The following TMPRSS2 variants were observed in gnomAD, a reference collection of about 807,000 sequenced individuals.
The protein encoded by TMPRSS2 is transmembrane serine protease 2.
Under a neutral mutation model 67.4 loss-of-function variants are expected in TMPRSS2, and 59 were observed. The observed-to-expected ratio is 0.88, with a 90% confidence interval of 0.71 to 1.09. TMPRSS2 has a LOEUF of 1.09. TMPRSS2 is among the 50% of genes least tolerant of loss of function. The pLI, the probability that TMPRSS2 is intolerant of heterozygous loss-of-function variation, is 0.00. For missense variants in TMPRSS2, 668 were observed against 642.7 expected (o/e 1.04, Z -0.43); for synonymous variants, 257 against 257.0 (o/e 1.00, Z 0.00).
rs17854725 is a variant in TMPRSS2 at position 41,473,456 on chromosome 21, A to G, written c.768T>C (p.Ile256=). Residue 256 remains isoleucine, a synonymous_variant, in exon 9 of 14, where the codon ATT becomes ATC. Transcript: ENST00000332149. ...VNLNSSRQSR[I]VGGESALPGA... is the part of the protein sequence containing the mutation. The stretch of plus-strand genomic sequence containing the variant: ...CCGGGAGCGCGCTCTCGCCGCCCAC[A>G]ATCCTGCTCTGGCGGCTTGAGTTCA... 0.52 allele frequency: 840,222 copies of G among 1,608,806 alleles called. 225,554 individuals carry two copies. Among genetic ancestry groups the G allele is most frequent in the Non-Finnish European group, 0.56 (654,555 of 1,178,342 alleles).
intron 8 of TMPRSS2, among the ~76,000 whole-genome samples, chr21:41,476,251 C>T (rs367879274): frequency 2.0e-5 from 3 of 152,308 alleles, no homozygotes; most frequent in African/African-American, 7.2e-5. Flanking sequence ...CCAGGGCTCA[C>T]TAACGCCACC....
At chr21:41,485,081 C>CGTGTGTGTGTGT (rs10668560) in intron 5 of TMPRSS2, among the ~76,000 whole-genome samples, 14 of 140,254 alleles carry the variant, frequency 1.0e-4, no homozygotes, top group African/African-American at 3.0e-4. Context: ...GGGAGTGATG[C>CGTGTGTGTGTGT]GTGTGTGTGT....
intron 2 of TMPRSS2, chr21:41,494,856 G>C: frequency 4.6e-6 from 2 of 432,640 alleles, no homozygotes; most frequent in Non-Finnish European, 8.5e-6. Flanking sequence ...GGATCATGAG[G>C]TCAGGAGATC....
chr21:41,479,484 A>G (rs2091240550), intron 6 of TMPRSS2, among the ~76,000 whole-genome samples: 1 of 152,192 alleles, frequency 6.6e-6, no homozygotes, highest in South Asian at 2.1e-4. Flanking sequence ...GTCAGACAAA[A>G]TTCCTTCATT....
rs185078457 is a variant in TMPRSS2, at chr21:41,464,686, C to G, written c.*1456G>C. 2 of 233,176 alleles carry G rather than the reference C, an allele frequency of 8.6e-6. No individual in the cohort carries two copies. Among genetic ancestry groups the G allele is most frequent in the Admixed American group, 5.6e-5 (1 of 17,784 alleles). 14.4% of individuals were successfully genotyped at this position (233,176 alleles called of 1,614,324 possible). A position where few individuals can be genotyped will look rare whatever the true frequency, so the allele number is the denominator to read the frequency against. ...AAGAAGGGGCAATAAAGAAGGAAGA[C>G]GTTTTCACCATTACAACACCTTTTA... On this transcript the variant is annotated 3_prime_UTR_variant, in exon 14 of 14. Coordinates refer to ENST00000332149, the MANE Select transcript of TMPRSS2 (RefSeq NM_005656.4).
rs1003169126 is a variant in TMPRSS2, at chr21:41,465,927, C to T, written c.*215G>A. 3.2e-6 allele frequency: 2 copies of T among 615,392 alleles called. No homozygotes were observed. Among genetic ancestry groups the T allele is most frequent in the South Asian group, 2.1e-5 (1 of 46,894 alleles). 38.1% of individuals were successfully genotyped at this position (615,392 alleles called of 1,614,324 possible). ...AGTGCCCACAACCAGCCGGCCATCACCCCTTGCGGACAAGGGGTTAGGGAG... is the reference window on the plus strand; with the variant it reads ...AGTGCCCACAACCAGCCGGCCATCATCCCTTGCGGACAAGGGGTTAGGGAG... On this transcript the variant is annotated 3_prime_UTR_variant, in exon 14 of 14. Coordinates refer to ENST00000332149, the MANE Select transcript of TMPRSS2 (RefSeq NM_005656.4).
At chr21:41,503,209 G>A (rs2091435710) in intron 1 of TMPRSS2, among the ~76,000 whole-genome samples, 1 of 152,198 alleles carries the variant, frequency 6.6e-6, no homozygotes, top group African/African-American at 2.4e-5. Flanking sequence ...GACAACACCA[G>A]CAGCCCAAGT....
At position 41,467,933 on chromosome 21, in the gene TMPRSS2, C is replaced by A. The variant is rs1328604458; in HGVS notation, c.1315-47G>T. Reference sequence around the variant, plus strand: ...AGAGAGCAGAAAATCAAGTCACAATCTGCCGCACACCACTGACCAGGCCTA... The same window carrying A: ...AGAGAGCAGAAAATCAAGTCACAATATGCCGCACACCACTGACCAGGCCTA... On this transcript the variant is annotated intron_variant, in intron 12 of 13. Transcript: ENST00000332149. 9.9e-6 allele frequency: 16 copies of A among 1,610,664 alleles called. No individual in the cohort carries two copies. The African/African-American group carries it at 2.1e-4, about 22-fold the overall frequency.
intron 5 of TMPRSS2, among the ~76,000 whole-genome samples, chr21:41,485,652 G>GAAAAAAAAAAAAAAA (rs35871560): frequency 7.6e-6 from 1 of 131,126 alleles, no homozygotes. Context: ...CTGTCTCCAG[G>GAAAAAAAAAAAAAAA]AAAAAAAAAA....
rs1336436288 is a variant in TMPRSS2 at position 41,488,428 on chromosome 21, T to C, written c.411A>G (p.Ser137=). ...INPSNWCDGV[S]HCPGGEDENR... is the part of the protein sequence containing the mutation. Reference sequence around the variant, plus strand: ...TCTCGTCCTCCCCGCCGGGGCAGTGTGACACGCCATCACACCAGTTAGAGG... The same window carrying C: ...TCTCGTCCTCCCCGCCGGGGCAGTGCGACACGCCATCACACCAGTTAGAGG... The change falls in exon 5 of 14, where the codon TCA becomes TCG. Residue 137 remains serine, a synonymous_variant. Coordinates refer to ENST00000332149, the MANE Select transcript of TMPRSS2 (RefSeq NM_005656.4). 6 of 1,613,592 alleles carry C rather than the reference T, an allele frequency of 3.7e-6. No individual in the cohort carries two copies. Among genetic ancestry groups the C allele is most frequent in the Non-Finnish European group, 5.1e-6 (6 of 1,179,784 alleles).
At chr21:41,505,322 G>A (rs2091450301) in intron 1 of TMPRSS2, among the ~76,000 whole-genome samples, 1 of 152,188 alleles carries the variant, frequency 6.6e-6, no homozygotes, top group African/African-American at 2.4e-5. Context: ...ATATTATTAC[G>A]AAGATCCCCT....
At chr21:41,489,372 G>T in intron 4 of TMPRSS2, 135 bp downstream of exon 4, 1 of 633,790 alleles carries the variant, frequency 1.6e-6, no homozygotes, top group East Asian at 2.7e-5. Flanking sequence ...GAAGGGAAGA[G>T]AGACAGCCTC....
intron 5 of TMPRSS2, among the ~76,000 whole-genome samples, chr21:41,482,779 A>T (rs952430410): frequency 1.7e-4 from 26 of 152,236 alleles, no homozygotes; most frequent in African/African-American, 6.3e-4. Flanking sequence ...CTATCAAGCC[A>T]TGAAAAGGCA....
chr21:41,487,182 A>G, intron 5 of TMPRSS2: 1 of 152,280 alleles, frequency 6.6e-6, no homozygotes, highest in Admixed American at 6.5e-5. Context: ...TGTGGTGTAT[A>G]TGCACAAGGC....
In TMPRSS2 at chr21:41,470,709, G is replaced by C; in HGVS notation, c.1110C>G (p.Gly370=). ...AGAGCTGTTCTGGCTGCAGCATCAT[G>C]CCTGGGTTGGGCAGACACACTGGTT... ...LVKPVCLPNP[G]MMLQPEQLCW... The change falls in exon 11 of 14, where the codon GGC becomes GGG. Residue 370 remains glycine (G), a synonymous_variant. Coordinates refer to ENST00000332149, the MANE Select transcript of TMPRSS2 (RefSeq NM_005656.4). The C allele has an allele frequency of 6.2e-7, 1 of 1,613,574 alleles. No individual in the cohort carries two copies. The highest frequency in any genetic ancestry group is 8.5e-7 in the Non-Finnish European group (1 of 1,179,972).
chr21:41,507,179 C>T (rs1358412446), intron 1 of TMPRSS2, among the ~76,000 whole-genome samples: 1 of 152,234 alleles, frequency 6.6e-6, no homozygotes. Context: ...GGCAGTTTTT[C>T]AGCTGGACCC....
At chr21:41,470,496 T>C in intron 11 of TMPRSS2, 152 bp downstream of exon 11, 1 of 667,826 alleles carries the variant, frequency 1.5e-6, no homozygotes, top group East Asian at 2.7e-5. Context: ...ACTTAGCAGA[T>C]GGAGAAACTG....
chr21:41,488,362 G>C (rs1229906131), intron 5 of TMPRSS2, 32 bp downstream of exon 5: 1 of 1,602,364 alleles, frequency 6.2e-7, no homozygotes, highest in Non-Finnish European at 8.5e-7. Context: ...GGTGAGCAGA[G>C]GAGTCCCTTC....
chr21:41,483,520 G>A (rs913997228), intron 5 of TMPRSS2, among the ~76,000 whole-genome samples: 4 of 151,826 alleles, frequency 2.6e-5, no homozygotes, highest in Middle Eastern at 6.4e-3. Flanking sequence ...GACCTCAGGC[G>A]ATCCCCACCC....
Sources: gnomAD v4.1 joint callset for allele counts (sites outside exome capture counted in the v4.1 genomes callset) on GRCh38, gnomAD v4.1.1 for gene constraint, MANE v1.5 for transcripts, NCBI Gene and HGNC (gene_info 2026-07-23, HGNC 2026-07-21) for gene names.